The following HSPG2 variants were observed in gnomAD, a reference collection of about 807,000 sequenced individuals.
HSPG2 encodes basement membrane-specific heparan sulfate proteoglycan core protein.
In HSPG2, 278 loss-of-function variants were observed where a neutral mutation model predicts 526.6. That is an observed-to-expected ratio of 0.53 (90% CI 0.48 to 0.58). The LOEUF (loss-of-function observed/expected upper bound fraction) is 0.58. HSPG2 is among the 20% of genes least tolerant of loss of function. The probability of loss-of-function intolerance (pLI) is 0.00; values close to 1 mark genes in which losing one functional copy is unlikely to be tolerated. For synonymous variants in HSPG2, 2,465 were observed against 2,555.4 expected (o/e 0.96, Z 1.07); for missense variants, 5,354 against 6,099.5 (o/e 0.88, Z 4.07).
chr1:21,919,928 ACAGAGT>A (rs1643988841), intron 1 of HSPG2, among the ~76,000 whole-genome samples: 1 of 152,130 alleles, frequency 6.6e-6, no homozygotes, highest in Non-Finnish European at 1.5e-5. Flanking sequence ...CTTTTTTGAG[ACAGAGT>A]CTCGCTCTGT....
Position 21,860,165 on chromosome 1 carries a change from G to T in HSPG2, c.5014+12C>A. On this transcript the variant is annotated intron_variant, in intron 40 of 96. Coordinates refer to ENST00000374695, the MANE Select transcript of HSPG2 (RefSeq NM_005529.7). The stretch of plus-strand genomic sequence containing the variant: ...GCCCATCGTCCCCATCCTGGGCCAT[G>T]GTCCCACTTACTCTCTGGCAGGCAC... The T allele has an allele frequency of 6.2e-7, 1 of 1,613,606 alleles. No homozygotes were observed.
chr1:21,833,630 C>T lies in HSPG2; in HGVS notation c.10831-16G>A, dbSNP rs2098014010. On this transcript the variant is annotated splice_polypyrimidine_tract_variant and intron_variant, in intron 78 of 96. Transcript: ENST00000374695. ...TGCCATCCAGCTGCAAATGCACTAGCACTGAGGGCCCTGGCCTTGGCCCAC... is the reference window on the plus strand; with the variant it reads ...TGCCATCCAGCTGCAAATGCACTAGTACTGAGGGCCCTGGCCTTGGCCCAC... 6.2e-7 allele frequency: 1 copy of T among 1,613,834 alleles called. No homozygotes were observed. The highest frequency in any genetic ancestry group is 1.7e-5 in the Admixed American group (1 of 60,002).
At chr1:21,923,535 C>T (rs1047431902) in intron 1 of HSPG2, among the ~76,000 whole-genome samples, 1 of 152,248 alleles carries the variant, frequency 6.6e-6, no homozygotes, top group Non-Finnish European at 1.5e-5. Flanking sequence ...GGGCCCTCCC[C>T]CTGCCCTCAC....
chr1:21,909,632 G>A (rs1310914491), intron 1 of HSPG2, among the ~76,000 whole-genome samples: 1 of 152,238 alleles, frequency 6.6e-6, no homozygotes, highest in Non-Finnish European at 1.5e-5. Context: ...CTTTGAAGCT[G>A]AAGCCAGGGG....
In HSPG2 at chr1:21,864,846, G is replaced by T; in HGVS notation, c.4623C>A (p.Cys1541Ter). Residue 1541 changes from cysteine (C) to a stop codon, truncating the protein, a stop_gained, in exon 36 of 97, where the codon TGC (cysteine) becomes TGA (stop). Transcript: ENST00000374695. LOFTEE classifies it high-confidence loss of function. This position sits in a 1 kb window ranked among gnomAD's most constrained non-coding sequence, Gnocchi z 4.8. ...GTGGAGCTGGCCACACACTCACCTGGCAGGACAGACCGATGTAGCCTGGCG... is the reference window on the plus strand; with the variant it reads ...GTGGAGCTGGCCACACACTCACCTGTCAGGACAGACCGATGTAGCCTGGCG... ...RCPPGYIGLS[C>*]QDCAPGYTRT... 1 of 1,608,954 alleles carries T rather than the reference G, an allele frequency of 6.2e-7. No individual in the cohort carries two copies. Among genetic ancestry groups the T allele is most frequent in the Admixed American group, 1.7e-5 (1 of 59,770 alleles).
At chr1:21,826,451 G>A (rs1046929239) in intron 91 of HSPG2, among the ~76,000 whole-genome samples, 16 of 151,668 alleles carry the variant, frequency 1.1e-4, no homozygotes, top group East Asian at 3.9e-4. Context: ...CAATCTGCCC[G>A]CCACAGCCTC....
intron 71 of HSPG2, among the ~76,000 whole-genome samples, chr1:21,840,336 T>C (rs7521889): frequency 0.98 from 149,080 of 152,162 alleles, 73,101 homozygotes; most frequent in East Asian, 1. Context: ...TTGAGGGTCT[T>C]GCTCTGTCAC....
At chr1:21,906,731 T>TGG (rs1553177636) in intron 1 of HSPG2, among the ~76,000 whole-genome samples, 35 of 50,698 alleles carry the variant, frequency 6.9e-4, no homozygotes, top group African/African-American at 1.5e-3. Flanking sequence ...GACTGGGGGG[T>TGG]GGGGGGGGGT....
intron 55 of HSPG2, among the ~76,000 whole-genome samples, chr1:21,850,854 T>C: frequency 6.6e-6 from 1 of 152,210 alleles, no homozygotes; most frequent in African/African-American, 2.4e-5. Context: ...CTACAAAATA[T>C]GGTAACAACA....
intron 1 of HSPG2, among the ~76,000 whole-genome samples, chr1:21,901,452 G>A (rs1643098416): frequency 6.6e-6 from 1 of 151,994 alleles, no homozygotes; most frequent in Non-Finnish European, 1.5e-5. Context: ...ATGAAGGGAG[G>A]AGCCTGGCTG....
Position 21,864,858 on chromosome 1 carries a change from G to C in HSPG2, c.4611C>G (p.Ile1537Met). The C allele has an allele frequency of 6.2e-7, 1 of 1,610,110 alleles. No individual in the cohort carries two copies. Among genetic ancestry groups the C allele is most frequent in the Non-Finnish European group, 8.5e-7 (1 of 1,179,080 alleles). The change falls in exon 36 of 97, where the codon ATC (isoleucine) becomes ATG (methionine). Residue 1537 changes from isoleucine to methionine, a missense_variant. Transcript: ENST00000374695. This position sits in a 1 kb window ranked among gnomAD's most constrained non-coding sequence, Gnocchi z 4.8. ...VEECRCPPGY[I>M]GLSCQDCAPG... is the part of the protein sequence containing the mutation. ...ACACACTCACCTGGCAGGACAGACCGATGTAGCCTGGCGGGCAGCGGCACT... is the reference window on the plus strand; with the variant it reads ...ACACACTCACCTGGCAGGACAGACCCATGTAGCCTGGCGGGCAGCGGCACT...
At chr1:21,911,862 G>A (rs937424369) in intron 1 of HSPG2, among the ~76,000 whole-genome samples, 5 of 152,090 alleles carry the variant, frequency 3.3e-5, no homozygotes, top group African/African-American at 4.8e-5. Flanking sequence ...TTTCCAGCCC[G>A]CTCCAGCCCA....
In HSPG2 at chr1:21,908,563, T is replaced by C. The variant is rs1572426979; in HGVS notation, c.64-12253A>G. 19 of 819,310 alleles carry C rather than the reference T, an allele frequency of 2.3e-5. No individual in the cohort carries two copies. In the East Asian group the frequency reaches 4.4e-4, roughly 19 times the overall value. The allele number at this position is 819,310 out of a possible 1,614,324, so 50.8% of individuals were successfully genotyped here. A position where few individuals can be genotyped will look rare whatever the true frequency, so the allele number is the denominator to read the frequency against. On this transcript the variant is annotated intron_variant, in intron 1 of 96. Coordinates refer to ENST00000374695, the MANE Select transcript of HSPG2 (RefSeq NM_005529.7). ...GCCTGAGCTGCTGGAACCTATTCTC[T>C]ATGAATTCACGGCATAATAGGTATT...
At position 21,847,010 on chromosome 1, in the gene HSPG2, AAAT is replaced by A. The variant is rs544198559; in HGVS notation, c.8164+341_8164+343del. The stretch of plus-strand genomic sequence containing the variant: ...GCGAGACTCCCTCTCAAAAAAAAAA[AAAT>A]GATAATAATAGTTAACACTTATAAA... On this transcript the variant is annotated intron_variant, in intron 62 of 96. Coordinates refer to ENST00000374695, the MANE Select transcript of HSPG2 (RefSeq NM_005529.7). The surrounding 1 kb of genome is among the most constrained non-coding windows in gnomAD (Gnocchi z 4.1). Among the ~76,000 whole-genome samples, 9 of 152,298 alleles carry A rather than the reference AAAT, an allele frequency of 5.9e-5. No individual in the cohort carries two copies. The East Asian group carries it at 9.6e-4, about 16-fold the overall frequency.
chr1:21,871,261 T>TTC (rs1553167757), intron 33 of HSPG2, among the ~76,000 whole-genome samples: 22 of 144,044 alleles, frequency 1.5e-4, no homozygotes, highest in African/African-American at 5.3e-4. Context: ...AGTATTTGTT[T>TTC]TTTTTTTTTT....
At chr1:21,866,164 G>T (rs1022237145) in intron 33 of HSPG2, among the ~76,000 whole-genome samples, 2 of 152,216 alleles carry the variant, frequency 1.3e-5, no homozygotes, top group Non-Finnish European at 2.9e-5. Context: ...CCATGGGGAG[G>T]CTGCGGAAGC....
In HSPG2 at chr1:21,832,613, G is replaced by T. The variant is rs368290502; in HGVS notation, c.11096-7C>A. The T allele has an allele frequency of 2.1e-5, 34 of 1,611,386 alleles. No individual in the cohort carries two copies. The highest frequency in any genetic ancestry group is 2.9e-5 in the Non-Finnish European group (34 of 1,177,830). On this transcript the variant is annotated splice_polypyrimidine_tract_variant and splice_region_variant and intron_variant, in intron 80 of 96. Transcript: ENST00000374695. ...CCATTGTACAGCAGCATCCCTGGGT[G>T]GGCACCACTGTGTAAGGGGCCCCCT...
chr1:21,875,044 T>G, intron 25 of HSPG2, 42 bp from the exon 26 acceptor site: 2 of 1,431,372 alleles, frequency 1.4e-6, no homozygotes, highest in Non-Finnish European at 1.9e-6. Flanking sequence ...GTGCTGGCTC[T>G]GTGCCAGGCA....
chr1:21,844,349 TC>T (rs1417961574), intron 64 of HSPG2, 50 bp from the exon 65 acceptor site: 6 of 1,573,206 alleles, frequency 3.8e-6, no homozygotes, highest in Non-Finnish European at 4.3e-6. Context: ...CCTGATGCCC[TC>T]AGCCCTTCCC....
Sources: gnomAD v4.1 joint callset for allele counts (sites outside exome capture counted in the v4.1 genomes callset) on GRCh38, gnomAD v4.1.1 for gene constraint, Gnocchi (gnomAD v3.1) non-coding constraint, MANE v1.5 for transcripts, NCBI Gene and HGNC (gene_info 2026-07-23, HGNC 2026-07-21) for gene names.